TRIM14: variants seen among roughly 807,000 people sequenced by gnomAD.
TRIM14 encodes tripartite motif containing 14.
In TRIM14, 28 loss-of-function variants were observed where a neutral mutation model predicts 44.5. The observed-to-expected ratio is 0.63, with a 90% CI of 0.47 to 0.86. The LOEUF (loss-of-function observed/expected upper bound fraction) is 0.86. Among genes scored for constraint, TRIM14 ranks in the 40% least tolerant of loss-of-function variants. TRIM14 has a pLI of 0.00. For synonymous variants in TRIM14, 299 were observed against 269.2 expected (o/e 1.11, Z -1.08); for missense variants, 607 against 611.1 (o/e 0.99, Z 0.07).
At chr9:98,102,277 G>A in intron 2 of TRIM14, among the ~76,000 whole-genome samples, 1 of 152,134 alleles carries the variant, frequency 6.6e-6, no homozygotes, top group East Asian at 1.9e-4. Context: ...TCTTTCTGCT[G>A]TCTCACCCAT....
At chr9:98,056,684 C>T in the TRIM14 span, 3 of 1,413,482 alleles carry the variant, frequency 2.1e-6, no homozygotes, top group South Asian at 2.7e-5. Context: ...GCCCGGCGAC[C>T]GCGGGCTGAC....
At chr9:98,081,599 G>A (rs1829865590), downstream of TRIM14, 1 of 153,822 alleles carries the variant, frequency 6.5e-6, no homozygotes. Context: ...GTGACCTTCA[G>A]ACAGAGGAAC....
chr9:98,081,010 G>A (rs576161768), downstream of TRIM14: 2 of 1,614,200 alleles, frequency 1.2e-6, no homozygotes, highest in South Asian at 1.1e-5. Context: ...TGCGGTCAGT[G>A]CGTCTTGTGG....
intron 1 of TRIM14, among the ~76,000 whole-genome samples, chr9:98,111,053 C>G (rs1019979037): frequency 6.6e-6 from 1 of 150,710 alleles, no homozygotes; most frequent in African/African-American, 2.4e-5. Context: ...CCCTGTCCCC[C>G]CCCCCAAAAA....
the TRIM14 span, among the ~76,000 whole-genome samples, chr9:98,042,855 C>A: frequency 6.8e-6 from 1 of 148,118 alleles, no homozygotes; most frequent in African/African-American, 2.5e-5. Context: ...GGAGACAGAG[C>A]GAGACTCTAC....
In TRIM14 at chr9:98,119,174, C is replaced by A. The variant is rs752974970; in HGVS notation, c.15G>T (p.Ala5=). Reference sequence around the variant, plus strand: ...ACCTCCCAGGGGTCCGGCTCCCGGTCGCCGCGCCCGCCATTCATCTCCACC... The same window carrying A: ...ACCTCCCAGGGGTCCGGCTCCCGGTAGCCGCGCCCGCCATTCATCTCCACC... MAGA[A]TGSRTPGRSE... Residue 5 remains alanine, a synonymous_variant, in exon 1 of 6, where the codon GCG becomes GCT. Transcript: ENST00000341469. 4.4e-6 allele frequency: 7 copies of A among 1,573,608 alleles called. No homozygotes were observed. In the African/African-American group the frequency reaches 7.0e-5, roughly 16 times the overall value.
intron 2 of TRIM14, among the ~76,000 whole-genome samples, chr9:98,108,786 T>C (rs10491722): frequency 0.079 from 11,941 of 151,804 alleles, 1,536 homozygotes; most frequent in African/African-American, 0.27. Context: ...GGGAGCCAAT[T>C]CTGTGGCCTG....
At chr9:98,040,061 C>A in the TRIM14 span, among the ~76,000 whole-genome samples, 1 of 152,102 alleles carries the variant, frequency 6.6e-6, no homozygotes, top group African/African-American at 2.4e-5. Flanking sequence ...CTAGGCTGCT[C>A]TTGAACTCCT....
rs141916862 is a variant in TRIM14, at chr9:98,078,301, G to C, written c.*29-8614C>G. On this transcript the variant is annotated intron_variant, in intron 6 of 6. Coordinates refer to the TRIM14 transcript ENST00000375098. ...AACTTCTGCTTCTTGCAGTGTACCA[G>C]CGCATACCCGCTCCAGCCTGAGGAC... The C allele has an allele frequency of 3.7e-6, 6 of 1,613,926 alleles. No individual in the cohort carries two copies. The African/African-American group carries it at 8.0e-5, about 22-fold the overall frequency.
chr9:98,037,930 A>C, the TRIM14 span, among the ~76,000 whole-genome samples: 110 of 152,258 alleles, frequency 7.2e-4, 1 homozygote, highest in African/African-American at 2.6e-3. Flanking sequence ...GGATCTCATA[A>C]TGTTGCCCAG....
intron 6 of TRIM14, chr9:98,078,442 T>G (rs1224202660): frequency 1.4e-6 from 2 of 1,437,228 alleles, no homozygotes; most frequent in Non-Finnish European, 1.9e-6. Flanking sequence ...CATGGCATAC[T>G]TTATAATTTG....
intron 1 of TRIM14, among the ~76,000 whole-genome samples, chr9:98,110,804 C>T (rs994402760): frequency 2.0e-5 from 3 of 150,084 alleles, no homozygotes; most frequent in Non-Finnish European, 2.9e-5. Context: ...CCAAGGAGTT[C>T]GAGACCAGCC....
chr9:98,093,988 C>G (rs567885005), intron 4 of TRIM14, among the ~76,000 whole-genome samples: 2 of 152,286 alleles, frequency 1.3e-5, no homozygotes, highest in Admixed American at 1.3e-4. Context: ...TCATCATCCA[C>G]CCACCTCGGC....
intron 1 of TRIM14, among the ~76,000 whole-genome samples, chr9:98,114,294 T>C (rs1474001573): frequency 1.3e-5 from 2 of 152,216 alleles, no homozygotes; most frequent in African/African-American, 4.8e-5. Context: ...GTCAATTTCA[T>C]CTTTGACCGT....
the TRIM14 span, among the ~76,000 whole-genome samples, chr9:98,044,842 G>C: frequency 6.6e-6 from 1 of 152,074 alleles, no homozygotes; most frequent in Non-Finnish European, 1.5e-5. Flanking sequence ...GCTCAGTGTG[G>C]TGGCTCACAC....
chr9:98,097,039 C>A (rs552156671), intron 3 of TRIM14, among the ~76,000 whole-genome samples: 3 of 152,168 alleles, frequency 2.0e-5, no homozygotes, highest in East Asian at 3.9e-4. Flanking sequence ...ACTAAAAATA[C>A]AAAAATTAGC....
chr9:98,082,840 C>T (rs981427869), downstream of TRIM14: 2 of 1,613,606 alleles, frequency 1.2e-6, no homozygotes, highest in Admixed American at 1.7e-5. Context: ...TTCATTTTGT[C>T]CACAGCTGGG....
intron 2 of TRIM14, among the ~76,000 whole-genome samples, chr9:98,106,300 A>G (rs1432424953): frequency 6.6e-6 from 1 of 152,262 alleles, no homozygotes; most frequent in East Asian, 1.9e-4. Flanking sequence ...AATGTGAATA[A>G]TGGTTGGCCT....
At chr9:98,096,448 G>A (rs1387182254) in intron 3 of TRIM14, among the ~76,000 whole-genome samples, 2 of 152,132 alleles carry the variant, frequency 1.3e-5, no homozygotes, top group African/African-American at 2.4e-5. Context: ...ATGAGGGGTC[G>A]ATAGAGGACA....
Sources: gnomAD v4.1 joint callset for allele counts (sites outside exome capture counted in the v4.1 genomes callset) on GRCh38, gnomAD v4.1.1 for gene constraint, MANE v1.5 for transcripts, NCBI Gene and HGNC (gene_info 2026-07-23, HGNC 2026-07-21) for gene names.